Variants in RAD51B observed in about 807,000 individuals in gnomAD.
RAD51B encodes the protein DNA repair protein RAD51 homolog 2.
RAD51B carries 38 observed loss-of-function variants against 42.2 expected under a neutral mutation model. The observed-to-expected ratio is 0.90, with a 90% confidence interval of 0.70 to 1.18. RAD51B has a LOEUF of 1.18. Ranked by LOEUF, RAD51B falls within the 50% of genes most tolerant of loss-of-function variation. The pLI is 0.00. For synonymous variants in RAD51B, 154 were observed against 145.2 expected, an observed-to-expected ratio of 1.06 and a Z score of -0.43; for missense variants, 373 against 400.7, an observed-to-expected ratio of 0.93 and a Z score of 0.59.
rs534751510 is a variant in RAD51B at position 68,442,589 on chromosome 14, T to C, written c.958-25583T>C. Among the ~76,000 whole-genome samples, 5 of 151,836 alleles carry C rather than the reference T, an allele frequency of 3.3e-5. No individual in the cohort carries two copies. The East Asian group carries it at 5.8e-4, about 18-fold the overall frequency. ...CTGAGTAGCTGGGACTACAGGTGCA[T>C]GCCACCATGCCCAGCTAATTTTTGT... On this transcript the variant is annotated intron_variant, in intron 9 of 10. Transcript: ENST00000471583.
intron 10 of RAD51B, among the ~76,000 whole-genome samples, chr14:68,585,147 C>A (rs1303477526): frequency 6.6e-6 from 1 of 152,162 alleles, no homozygotes; most frequent in Non-Finnish European, 1.5e-5. Context: ...AGGTGCATTC[C>A]CACCTCTGTG....
At chr14:68,571,026 G>A (rs917144773) in intron 10 of RAD51B, among the ~76,000 whole-genome samples, 2 of 152,166 alleles carry the variant, frequency 1.3e-5, no homozygotes, top group Non-Finnish European at 2.9e-5. Context: ...AGCCAGTGAA[G>A]GGGCTTTGTA....
intron 7 of RAD51B, among the ~76,000 whole-genome samples, chr14:68,123,795 G>A (rs1464704445): frequency 6.6e-6 from 1 of 152,170 alleles, no homozygotes; most frequent in Non-Finnish European, 1.5e-5. Context: ...GCAACAGAGT[G>A]AGACTCCGTC....
At chr14:68,525,422 T>C (rs929246315) in intron 10 of RAD51B, among the ~76,000 whole-genome samples, 1 of 152,244 alleles carries the variant, frequency 6.6e-6, no homozygotes, top group African/African-American at 2.4e-5. Flanking sequence ...TAATTCAAAG[T>C]TATCTGGGTT....
downstream of RAD51B, among the ~76,000 whole-genome samples, chr14:68,598,742 G>A (rs905387106): frequency 1.3e-5 from 2 of 152,232 alleles, no homozygotes; most frequent in Non-Finnish European, 2.9e-5. Flanking sequence ...AGACGGAGGC[G>A]GGGAGGAGCC....
At chr14:68,208,776 C>G (rs149662174) in intron 7 of RAD51B, among the ~76,000 whole-genome samples, 1 of 152,198 alleles carries the variant, frequency 6.6e-6, no homozygotes. Flanking sequence ...CCATACATTA[C>G]AGCATCTCTA....
intron 4 of RAD51B, among the ~76,000 whole-genome samples, chr14:67,848,854 A>G (rs1273357239): frequency 6.6e-6 from 1 of 152,204 alleles, no homozygotes; most frequent in Non-Finnish European, 1.5e-5. Flanking sequence ...TATGAAGCTT[A>G]GTTTGTGGGA....
At chr14:68,106,310 A>T (rs889115365) in intron 7 of RAD51B, among the ~76,000 whole-genome samples, 1 of 151,940 alleles carries the variant, frequency 6.6e-6, no homozygotes, top group Non-Finnish European at 1.5e-5. Flanking sequence ...TTAAGGAAAT[A>T]TACAGAAAAA....
At chr14:68,499,331 G>A (rs184747397) in intron 10 of RAD51B, among the ~76,000 whole-genome samples, 1 of 152,306 alleles carries the variant, frequency 6.6e-6, no homozygotes, top group East Asian at 1.9e-4. Flanking sequence ...AGAATGAAGA[G>A]CTAGATTTTT....
intron 9 of RAD51B, among the ~76,000 whole-genome samples, chr14:68,457,114 T>C (rs149971560): frequency 1.3e-3 from 200 of 151,886 alleles, no homozygotes; most frequent in African/African-American, 3.8e-3. Context: ...GGTTTTGCCA[T>C]GTTGGTCAGG....
chr14:68,310,920 T>C (rs1397622526), intron 8 of RAD51B, among the ~76,000 whole-genome samples: 1 of 152,188 alleles, frequency 6.6e-6, no homozygotes, highest in Non-Finnish European at 1.5e-5. Flanking sequence ...CTTCCATCCA[T>C]CACCTCTTAA....
chr14:68,389,660 T>G (rs1024399614), intron 8 of RAD51B, among the ~76,000 whole-genome samples: 3 of 152,238 alleles, frequency 2.0e-5, no homozygotes, highest in African/African-American at 7.2e-5. Flanking sequence ...GTGTTCTAAA[T>G]GTTGGTCGTT....
intron 7 of RAD51B, among the ~76,000 whole-genome samples, chr14:68,015,481 G>C (rs948370508): frequency 2.6e-5 from 4 of 152,176 alleles, no homozygotes; most frequent in African/African-American, 9.7e-5. Flanking sequence ...GTTCCACATG[G>C]CTGGGAGGCT....
At chr14:68,591,040 A>G (rs1194421344) in intron 10 of RAD51B, among the ~76,000 whole-genome samples, 1 of 152,310 alleles carries the variant, frequency 6.6e-6, no homozygotes, top group South Asian at 2.1e-4. Flanking sequence ...GGCCTTGTGC[A>G]TCTCACTAGT....
At chr14:67,966,868 A>G (rs2074790039) in intron 7 of RAD51B, among the ~76,000 whole-genome samples, 2 of 152,302 alleles carry the variant, frequency 1.3e-5, no homozygotes, top group South Asian at 4.1e-4. Context: ...ACAGTATTAT[A>G]TTTAGGTCTA....
intron 7 of RAD51B, among the ~76,000 whole-genome samples, chr14:68,187,657 A>T (rs537109670): frequency 1.3e-5 from 2 of 152,304 alleles, no homozygotes; most frequent in Admixed American, 1.3e-4. Context: ...GACTTAACTG[A>T]TATTAGCATG....
At chr14:68,421,798 T>G in intron 9 of RAD51B, 1 of 1,599,010 alleles carries the variant, frequency 6.3e-7, no homozygotes, top group Non-Finnish European at 8.5e-7. Flanking sequence ...GTGCCTTCTT[T>G]CACTTTGCCA....
chr14:68,347,362 T>C (rs1194513695), intron 8 of RAD51B, among the ~76,000 whole-genome samples: 1 of 152,140 alleles, frequency 6.6e-6, no homozygotes, highest in Admixed American at 6.5e-5. Context: ...TGATTGGGGG[T>C]CCCCTGTACT....
intron 7 of RAD51B, among the ~76,000 whole-genome samples, chr14:68,277,583 G>A (rs558281611): frequency 2.6e-5 from 4 of 152,192 alleles, no homozygotes; most frequent in Admixed American, 6.5e-5. Flanking sequence ...TGTTGATAAA[G>A]ATGTTCAGAT....
Sources: allele counts gnomAD v4.1 joint callset (sites outside exome capture counted in the v4.1 genomes callset), GRCh38; gene constraint gnomAD v4.1.1; transcripts MANE v1.5; gene names NCBI Gene and HGNC (gene_info 2026-07-23, HGNC 2026-07-21).